ACOXL: variants seen among roughly 807,000 people sequenced by gnomAD.
The protein encoded by ACOXL is acyl-coenzyme A oxidase-like protein.
ACOXL carries 70 observed loss-of-function variants against 71.9 expected under a neutral mutation model. The ratio of observed to expected loss-of-function variants is 0.97; its 90% CI spans 0.80 to 1.19. The LOEUF (loss-of-function observed/expected upper bound fraction) is 1.19, where lower values mean the gene tolerates loss of function less well. Among genes scored for constraint, ACOXL ranks in the 50% most tolerant of loss-of-function variants. The pLI is 0.00. For synonymous variants in ACOXL, 253 were observed against 281.6 expected (o/e 0.90, Z 1.02); for missense variants, 703 against 736.3 (o/e 0.95, Z 0.52).
chr2:111,086,391 A>G (rs2068207181), intron 16 of ACOXL, among the ~76,000 whole-genome samples: 1 of 152,224 alleles, frequency 6.6e-6, no homozygotes, highest in Non-Finnish European at 1.5e-5. Flanking sequence ...TATCCTTGGG[A>G]TGCTAGGTTG....
chr2:110,961,454 T>C (rs567190415), intron 12 of ACOXL, among the ~76,000 whole-genome samples: 64 of 152,194 alleles, frequency 4.2e-4, no homozygotes, highest in Non-Finnish European at 8.2e-4. Context: ...TAAAGCCAGA[T>C]TGCCTGACTT....
chr2:110,959,890 C>G (rs2061637032), intron 12 of ACOXL, among the ~76,000 whole-genome samples: 1 of 152,128 alleles, frequency 6.6e-6, no homozygotes, highest in Non-Finnish European at 1.5e-5. Flanking sequence ...ACATACAGGC[C>G]AGAGTAGCAC....
chr2:110,865,346 C>G (rs10197615), intron 10 of ACOXL, among the ~76,000 whole-genome samples: 1,598 of 152,278 alleles, frequency 0.01, 27 homozygotes, highest in African/African-American at 0.036. Flanking sequence ...AGAGCTGCCT[C>G]CTCAGATCTG....
intron 2 of ACOXL, among the ~76,000 whole-genome samples, chr2:110,780,640 C>G (rs1273813494): frequency 1.3e-5 from 2 of 152,090 alleles, no homozygotes; most frequent in Admixed American, 6.6e-5. Flanking sequence ...AACATAGATG[C>G]CTCATTTGCA....
At chr2:110,741,381 GCTGT>G (rs1453989055) in intron 1 of ACOXL, among the ~76,000 whole-genome samples, 4 of 152,108 alleles carry the variant, frequency 2.6e-5, no homozygotes, top group Non-Finnish European at 4.4e-5. Context: ...CTTGTTGGTG[GCTGT>G]CTTTTTTCCT....
intron 9 of ACOXL, among the ~76,000 whole-genome samples, chr2:110,833,047 T>C (rs1471857056): frequency 6.6e-6 from 1 of 152,264 alleles, no homozygotes. Context: ...GCCATATAAC[T>C]GAGCAATTGT....
At chr2:110,736,858 G>C (rs970883520) in intron 1 of ACOXL, among the ~76,000 whole-genome samples, 1 of 152,286 alleles carries the variant, frequency 6.6e-6, no homozygotes, top group South Asian at 2.1e-4. Context: ...CTGACCTCAT[G>C]ATCTGCCCGC....
intron 17 of ACOXL, among the ~76,000 whole-genome samples, chr2:111,097,925 G>A (rs1175212552): frequency 6.6e-6 from 1 of 152,162 alleles, no homozygotes; most frequent in Non-Finnish European, 1.5e-5. Flanking sequence ...CTTCTCTTTA[G>A]TGTGGGTTGG....
intron 10 of ACOXL, among the ~76,000 whole-genome samples, chr2:110,886,380 C>CTT (rs751607372): frequency 0.017 from 2,206 of 131,450 alleles, 40 homozygotes; most frequent in Middle Eastern, 0.041. Context: ...CCTTCTTTTT[C>CTT]TTTTTTTTTT....
At chr2:110,816,952 TG>T (rs1284491936) in intron 9 of ACOXL, among the ~76,000 whole-genome samples, 1 of 152,222 alleles carries the variant, frequency 6.6e-6, no homozygotes, top group Non-Finnish European at 1.5e-5. Flanking sequence ...GTGGCTTCCC[TG>T]GGAAAGCTTC....
intron 14 of ACOXL, among the ~76,000 whole-genome samples, chr2:111,028,360 T>G (rs1178238721): frequency 6.6e-6 from 1 of 151,812 alleles, no homozygotes; most frequent in Admixed American, 6.6e-5. Context: ...CTTGGCTCAG[T>G]ATACCCAGGC....
chr2:110,945,552 T>C (rs1482726829), intron 12 of ACOXL, among the ~76,000 whole-genome samples: 2 of 152,228 alleles, frequency 1.3e-5, no homozygotes, highest in African/African-American at 4.8e-5. Flanking sequence ...GTTCCAATCT[T>C]CTGCATATGG....
chr2:111,044,280 A>G (rs116092161), intron 15 of ACOXL, among the ~76,000 whole-genome samples: 2,438 of 152,302 alleles, frequency 0.016, 72 homozygotes, highest in African/African-American at 0.056. Flanking sequence ...TGGCTACCCC[A>G]TGGGTCTAGA....
intron 14 of ACOXL, among the ~76,000 whole-genome samples, chr2:111,009,521 A>G (rs2064040108): frequency 6.6e-6 from 1 of 151,934 alleles, no homozygotes; most frequent in African/African-American, 2.4e-5. Flanking sequence ...CTCAAAAAAA[A>G]AAAAAAAGAA....
In ACOXL at chr2:110,784,710, ACTGAGT is replaced by A; in HGVS notation, c.76-19_76-14del. On this transcript the variant is annotated splice_polypyrimidine_tract_variant and intron_variant, in intron 2 of 17. Transcript: ENST00000439055. ...CAGAAAACCATAAGGAAACCTTGAT[ACTGAGT>A]CTATCATATTTTCAGGCAGAGAAAA... The A allele has an allele frequency of 6.3e-7, 1 of 1,578,558 alleles. No individual in the cohort carries two copies. The highest frequency in any genetic ancestry group is 8.6e-7 in the Non-Finnish European group (1 of 1,164,330).
intron 14 of ACOXL, among the ~76,000 whole-genome samples, chr2:111,022,037 G>A (rs1324504798): frequency 6.6e-6 from 1 of 152,120 alleles, no homozygotes; most frequent in African/African-American, 2.4e-5. Context: ...AGAAAAAATT[G>A]TAAAGACGTA....
chr2:110,746,939 A>C (rs775370046), intron 1 of ACOXL, among the ~76,000 whole-genome samples: 3 of 152,134 alleles, frequency 2.0e-5, no homozygotes, highest in Non-Finnish European at 4.4e-5. Context: ...TTAGGTCATA[A>C]GTCAAATGTA....
intron 16 of ACOXL, among the ~76,000 whole-genome samples, chr2:111,071,346 A>G (rs1484122785): frequency 2.6e-5 from 4 of 152,162 alleles, no homozygotes; most frequent in Non-Finnish European, 5.9e-5. Flanking sequence ...TGCTGATGAC[A>G]TGGAGGAGAC....
chr2:110,855,964 A>G (rs1229780565), intron 10 of ACOXL, among the ~76,000 whole-genome samples: 1 of 152,064 alleles, frequency 6.6e-6, no homozygotes, highest in Non-Finnish European at 1.5e-5. Context: ...GACCTCTCTG[A>G]TGTTCTGTTT....
Sources: gnomAD v4.1 joint callset for allele counts (sites outside exome capture counted in the v4.1 genomes callset) on GRCh38, gnomAD v4.1.1 for gene constraint, MANE v1.5 for transcripts, NCBI Gene and HGNC (gene_info 2026-07-23, HGNC 2026-07-21) for gene names.